MZT2B: variants seen among roughly 807,000 people sequenced by gnomAD.
The protein encoded by MZT2B is mitotic spindle organizing protein 2B, also known as mitotic-spindle organizing protein 2B.
MZT2B carries 11 observed loss-of-function variants against 12.1 expected under a neutral mutation model. The observed-to-expected ratio is 0.91, with a 90% CI of 0.57 to 1.50. MZT2B has a LOEUF of 1.50. Among genes scored for constraint, MZT2B ranks in the 40% most tolerant of loss-of-function variants. The pLI is 0.00. For missense variants in MZT2B, 209 were observed against 227.7 expected, an observed-to-expected ratio of 0.92 and a Z score of 0.53; for synonymous variants, 85 against 109.5, an observed-to-expected ratio of 0.78 and a Z score of 1.40.
chr2:130,199,960 G>A, the MZT2B span, among the ~76,000 whole-genome samples: 1 of 152,010 alleles, frequency 6.6e-6, no homozygotes, highest in Admixed American at 6.6e-5. Flanking sequence ...GCCAGGTATG[G>A]TGGTGAGCAC....
At chr2:130,182,256 G>GAGCGCACCTTTCCGCGGGCCGC (rs1689725581), upstream of MZT2B, 1 of 1,283,882 alleles carries the variant, frequency 7.8e-7, no homozygotes, top group Non-Finnish European at 9.8e-7. Flanking sequence ...CGGCGGGGCG[G>GAGCGCACCTTTCCGCGGGCCGC]AGCGCACCTT....
At chr2:130,184,512 G>T (rs1441778823) in intron 2 of MZT2B, 1 of 985,312 alleles carries the variant, frequency 1.0e-6, no homozygotes, top group Non-Finnish European at 1.2e-6. Flanking sequence ...GGTGTGATCA[G>T]GGGCTCAGAG....
chr2:130,193,906 G>A (rs756131642), downstream of MZT2B: 9 of 1,614,138 alleles, frequency 5.6e-6, no homozygotes, highest in Non-Finnish European at 7.6e-6. Flanking sequence ...AGCAGGCCAT[G>A]TACTTGCCAT....
chr2:130,198,476 G>A, the MZT2B span: 13 of 1,211,534 alleles, frequency 1.1e-5, 3 homozygotes, highest in South Asian at 3.1e-5. Flanking sequence ...TTGGCCTGCC[G>A]GTGCCAGGCC....
chr2:130,182,043 A>G, upstream of MZT2B: 1 of 1,350,084 alleles, frequency 7.4e-7, no homozygotes, highest in Middle Eastern at 2.9e-4. Context: ...ATCGCCAAGC[A>G]GCGGACCCCT....
In MZT2B at chr2:130,184,881, C is replaced by T. The variant is rs574423433; in HGVS notation, c.319+2106C>T. On this transcript the variant is annotated intron_variant, in intron 2 of 2. Coordinates refer to ENST00000281871, the MANE Select transcript of MZT2B (RefSeq NM_025029.5). ...GAGAGGCAGTGAGGAAAACCACCAG[C>T]GAGACCAGTGTGGTGGCTCACACCT... 34 of 985,238 alleles carry T rather than the reference C, an allele frequency of 3.5e-5. No homozygotes were observed. In the South Asian group the frequency reaches 5.2e-4, roughly 15 times the overall value. The allele number at this position is 985,238 out of a possible 1,614,324, so 61.0% of individuals were successfully genotyped here.
chr2:130,195,375 G>C (rs1690379966), downstream of MZT2B: 1 of 1,289,014 alleles, frequency 7.8e-7, no homozygotes, highest in Non-Finnish European at 1.1e-6. Context: ...GTGTCTGGTA[G>C]AAAATGTCTC....
chr2:130,195,176 A>G, downstream of MZT2B: 3 of 1,614,002 alleles, frequency 1.9e-6, no homozygotes, highest in Non-Finnish European at 2.5e-6. Flanking sequence ...CTTCCCGGTG[A>G]TCAGCTGCTC....
chr2:130,204,092 A>T, the MZT2B span: 1 of 1,272,766 alleles, frequency 7.9e-7, no homozygotes, highest in South Asian at 1.3e-5. Context: ...TAACTCTTTA[A>T]TATAGTGTAA....
intron 2 of MZT2B, chr2:130,183,419 G>C: frequency 2.6e-6 from 1 of 387,354 alleles, no homozygotes; most frequent in Non-Finnish European, 4.9e-6. Context: ...GGGGTCTGAA[G>C]GGCCTCCTCC....
chr2:130,182,117 CTG>C, upstream of MZT2B: 4 of 1,293,880 alleles, frequency 3.1e-6, no homozygotes, highest in Non-Finnish European at 2.9e-6. Flanking sequence ...CGCCCAATAA[CTG>C]TTGGGCTTCA....
the MZT2B span, among the ~76,000 whole-genome samples, chr2:130,203,048 C>CTTTTTTTTTTTTTTTTT: frequency 8.4e-6 from 1 of 118,528 alleles, no homozygotes; most frequent in Non-Finnish European, 1.8e-5. Flanking sequence ...TTTCTTTTTT[C>CTTTTTTTTTTTTTTTTT]TTTTTTTTTT....
chr2:130,184,893 G>A (rs1689999644), intron 2 of MZT2B: 3 of 985,320 alleles, frequency 3.0e-6, no homozygotes, highest in Non-Finnish European at 1.2e-6. Flanking sequence ...AGACCAGTGT[G>A]GTGGCTCACA....
chr2:130,202,493 T>A, the MZT2B span: 3 of 1,276,094 alleles, frequency 2.4e-6, no homozygotes, highest in Non-Finnish European at 2.0e-6. Context: ...CAGAGTTTTG[T>A]AAGGTTCATT....
At chr2:130,194,858 A>T (rs1690365149), downstream of MZT2B, among the ~76,000 whole-genome samples, 2 of 152,136 alleles carry the variant, frequency 1.3e-5, no homozygotes, top group Non-Finnish European at 2.9e-5. Context: ...TCGTATTTTT[A>T]GTAGACATAG....
chr2:130,195,804 C>CCAGCATAAGAGAATGCA, the MZT2B span, among the ~76,000 whole-genome samples: 3 of 152,246 alleles, frequency 2.0e-5, no homozygotes, highest in Non-Finnish European at 4.4e-5. Context: ...CTCTCGTGCA[C>CCAGCATAAGAGAATGCA]CAGCATAAGA....
the MZT2B span, among the ~76,000 whole-genome samples, chr2:130,195,731 G>A: frequency 4.6e-5 from 7 of 152,336 alleles, no homozygotes; most frequent in South Asian, 2.1e-4. Flanking sequence ...CTCAGGCTGC[G>A]AATCTGAAGG....
At chr2:130,183,498 T>C (rs1474647425) in intron 2 of MZT2B, 13 of 542,484 alleles carry the variant, frequency 2.4e-5, no homozygotes, top group Non-Finnish European at 4.0e-5. Context: ...CCTCTGTCCC[T>C]GCTCATCCTC....
the MZT2B span, among the ~76,000 whole-genome samples, chr2:130,199,833 C>T: frequency 6.6e-6 from 1 of 150,988 alleles, no homozygotes; most frequent in South Asian, 2.1e-4. Context: ...TGGTGGCTCA[C>T]ACCTGTAATC....
Sources: allele counts gnomAD v4.1 joint callset (sites outside exome capture counted in the v4.1 genomes callset), GRCh38; gene constraint gnomAD v4.1.1; transcripts MANE v1.5; gene names NCBI Gene and HGNC (gene_info 2026-07-23, HGNC 2026-07-21).